Variants in RBFOX1 observed in about 807,000 individuals in gnomAD.
RBFOX1 encodes RNA binding protein fox-1 homolog 1.
In RBFOX1, 8 loss-of-function variants were observed where a neutral mutation model predicts 57.7. That is an observed-to-expected ratio of 0.14 (90% CI 0.08 to 0.25). The LOEUF (loss-of-function observed/expected upper bound fraction) is 0.25. RBFOX1 is among the 10% of genes least tolerant of loss of function. The pLI, the probability that RBFOX1 is intolerant of heterozygous loss-of-function variation, is 1.00. For synonymous variants in RBFOX1, 326 were observed against 222.4 expected (o/e 1.47, Z -4.15); for missense variants, 611 against 548.5 (o/e 1.11, Z -1.14).
intron 1 of RBFOX1, among the ~76,000 whole-genome samples, chr16:5,308,239 A>G (rs1278063917): frequency 6.6e-6 from 1 of 151,834 alleles, no homozygotes; most frequent in African/African-American, 2.4e-5. Flanking sequence ...TACTCAGGAG[A>G]TCGCTTGAAC....
chr16:5,495,135 T>A (rs1044166123), intron 2 of RBFOX1, among the ~76,000 whole-genome samples: 2 of 152,194 alleles, frequency 1.3e-5, no homozygotes, highest in Non-Finnish European at 2.9e-5. Context: ...CTTGCAGTCA[T>A]GGCAGAAGGC....
At position 5,793,452 on chromosome 16, in the gene RBFOX1, C is replaced by T. The variant is rs555443043; in HGVS notation, c.319-73851C>T. On this transcript the variant is annotated intron_variant, in intron 3 of 19. Coordinates refer to the RBFOX1 transcript ENST00000641259. ...CCCGTTGGCATGGGTGCTGGGGGAC[C>T]GGCTTCATGCCGCTAAGAGGTCCAG... Among the ~76,000 whole-genome samples the T allele has an allele frequency of 8.5e-5, 13 of 152,356 alleles. No individual in the cohort carries two copies. In the East Asian group the frequency reaches 1.5e-3, roughly 18 times the overall value.
intron 4 of RBFOX1, among the ~76,000 whole-genome samples, chr16:7,068,405 C>T (rs2056612536): frequency 6.6e-6 from 1 of 152,100 alleles, no homozygotes; most frequent in South Asian, 2.1e-4. Context: ...TTCAGAACTA[C>T]CATCCAAGGT....
At position 6,609,834 on chromosome 16, in the gene RBFOX1, C is replaced by T. The variant is rs1238236747; in HGVS notation, c.-63-44769C>T. 2.6e-5 allele frequency among the ~76,000 whole-genome samples: 4 copies of T among 151,852 alleles called. No homozygotes were observed. In the East Asian group the frequency reaches 7.8e-4, roughly 30 times the overall value. ...ACCATCCTGGCCAACATGGTGAAAC[C>T]CCATCTTTAGTAAATATATGAAAAA... On this transcript the variant is annotated intron_variant, in intron 2 of 15. Coordinates refer to ENST00000550418, the MANE Select transcript of RBFOX1 (RefSeq NM_018723.4).
chr16:5,699,241 C>G (rs2050948862), intron 3 of RBFOX1, among the ~76,000 whole-genome samples: 1 of 152,084 alleles, frequency 6.6e-6, no homozygotes, highest in South Asian at 2.1e-4. Flanking sequence ...CTGCCTTGGC[C>G]TCCCTAAGGG....
At chr16:7,653,195 G>A (rs1163721792) in intron 11 of RBFOX1, among the ~76,000 whole-genome samples, 1 of 152,114 alleles carries the variant, frequency 6.6e-6, no homozygotes, top group Non-Finnish European at 1.5e-5. Context: ...CTTGCAATCT[G>A]CCCTTTTAAA....
At chr16:6,882,397 C>T (rs74646411) in intron 3 of RBFOX1, among the ~76,000 whole-genome samples, 1 of 152,162 alleles carries the variant, frequency 6.6e-6, no homozygotes, top group East Asian at 1.9e-4. Flanking sequence ...CTCTCTCTTC[C>T]CAGCCTGGCC....
chr16:6,666,650 T>C (rs186862986), intron 3 of RBFOX1, among the ~76,000 whole-genome samples: 95 of 152,202 alleles, frequency 6.2e-4, no homozygotes, highest in African/African-American at 2.2e-3. Flanking sequence ...CTCTAGGCTG[T>C]ACTGCCTCTT....
At chr16:6,985,431 C>T (rs78000167) in intron 3 of RBFOX1, among the ~76,000 whole-genome samples, 8,114 of 152,268 alleles carry the variant, frequency 0.053, 251 homozygotes, top group African/African-American at 0.076. Context: ...AAGATCACTT[C>T]AGCCCATGTG....
At chr16:7,680,139 G>C (rs952486089) in intron 14 of RBFOX1, among the ~76,000 whole-genome samples, 9 of 152,132 alleles carry the variant, frequency 5.9e-5, no homozygotes, top group African/African-American at 2.2e-4. Flanking sequence ...GGATTGGACA[G>C]GTCCATCACA....
chr16:5,734,437 TAAAAA>T (rs1038277465), intron 3 of RBFOX1, among the ~76,000 whole-genome samples: 4 of 151,932 alleles, frequency 2.6e-5, no homozygotes, highest in African/African-American at 7.3e-5. Context: ...AAAAATAAAA[TAAAAA>T]GAAAGAAAGA....
intron 4 of RBFOX1, among the ~76,000 whole-genome samples, chr16:7,204,361 G>C (rs1348388823): frequency 2.0e-5 from 3 of 152,140 alleles, no homozygotes; most frequent in Non-Finnish European, 4.4e-5. Flanking sequence ...TAAGTTCCTG[G>C]TCAGGTGTAA....
intron 4 of RBFOX1, among the ~76,000 whole-genome samples, chr16:5,893,488 G>T (rs530933359): frequency 6.6e-6 from 1 of 152,180 alleles, no homozygotes; most frequent in East Asian, 1.9e-4. Context: ...TGATGTGATT[G>T]TTACGCATCG....
intron 2 of RBFOX1, among the ~76,000 whole-genome samples, chr16:6,610,514 G>C (rs1463612600): frequency 6.6e-6 from 1 of 152,020 alleles, no homozygotes; most frequent in Non-Finnish European, 1.5e-5. Context: ...ACTTTTTGTA[G>C]AGATGAGGAC....
At chr16:5,330,512 C>T (rs1472212334) in intron 1 of RBFOX1, among the ~76,000 whole-genome samples, 1 of 152,190 alleles carries the variant, frequency 6.6e-6, no homozygotes, top group Middle Eastern at 3.4e-3. Flanking sequence ...GAGCAATTCT[C>T]CTGCCTCAGT....
intron 3 of RBFOX1, among the ~76,000 whole-genome samples, chr16:5,804,831 G>C (rs2055175450): frequency 6.6e-6 from 1 of 151,660 alleles, no homozygotes; most frequent in African/African-American, 2.4e-5. Flanking sequence ...AATCAGAATT[G>C]ACACATTCTA....
At chr16:6,145,151 C>T (rs1006264614) in intron 1 of RBFOX1, among the ~76,000 whole-genome samples, 1 of 151,928 alleles carries the variant, frequency 6.6e-6, no homozygotes, top group African/African-American at 2.4e-5. Context: ...AAGCCTACTG[C>T]CCATTAGTTA....
chr16:7,052,195 A>G, intron 4 of RBFOX1, 97 bp downstream of exon 4: 2 of 1,498,386 alleles, frequency 1.3e-6, no homozygotes, highest in Non-Finnish European at 1.8e-6. Flanking sequence ...TCTAAATAAC[A>G]GGCTTCATCT....
chr16:7,082,465 C>T (rs966190044), intron 4 of RBFOX1, among the ~76,000 whole-genome samples: 11 of 151,560 alleles, frequency 7.3e-5, no homozygotes, highest in Non-Finnish European at 1.2e-4. Context: ...ACCTGTGGTC[C>T]CAGCTACTTG....
Sources: gnomAD v4.1 joint callset for allele counts (sites outside exome capture counted in the v4.1 genomes callset) on GRCh38, gnomAD v4.1.1 for gene constraint, MANE v1.5 for transcripts, NCBI Gene and HGNC (gene_info 2026-07-23, HGNC 2026-07-21) for gene names.